CAPNS1: variants seen among roughly 807,000 people sequenced by gnomAD.
CAPNS1 encodes CANP small subunit.
A neutral mutation model predicts 39.2 loss-of-function variants in CAPNS1; 32 were observed. That is an observed-to-expected ratio of 0.82 (90% CI 0.62 to 1.10). The LOEUF is 1.10. CAPNS1 is among the 50% of genes least tolerant of loss of function. The pLI, the probability that CAPNS1 is intolerant of heterozygous loss-of-function variation, is 0.00. For missense variants in CAPNS1, 353 were observed against 373.1 expected (o/e 0.95, Z 0.44); for synonymous variants, 153 against 136.2 (o/e 1.12, Z -0.86).
At chr19:36,142,277 C>T (rs1974401013) in intron 2 of CAPNS1, 23 bp from the exon 3 acceptor site, 2 of 1,573,168 alleles carry the variant, frequency 1.3e-6, no homozygotes, top group South Asian at 2.2e-5. Context: ...TGGCACTAAC[C>T]CCTCCCCCTT....
chr19:36,149,439 C>A (rs1974693503), intron 9 of CAPNS1, 139 bp from the exon 10 acceptor site: 4 of 719,092 alleles, frequency 5.6e-6, no homozygotes, highest in Non-Finnish European at 8.3e-6. Context: ...AGCACTTTAC[C>A]CCATGCTTGG....
chr19:36,149,420 T>C (rs1974692883), intron 9 of CAPNS1, among the ~76,000 whole-genome samples, 158 bp from the exon 10 acceptor site: 1 of 152,188 alleles, frequency 6.6e-6, no homozygotes, highest in Non-Finnish European at 1.5e-5. Flanking sequence ...AATCAGCCAA[T>C]ACCTGGAAAG....
At chr19:36,149,461 T>C in intron 9 of CAPNS1, 117 bp from the exon 10 acceptor site, 1 of 964,274 alleles carries the variant, frequency 1.0e-6, no homozygotes, top group Non-Finnish European at 1.5e-6. Flanking sequence ...ACACAGTAAA[T>C]ACTCAGTGAA....
rs17880878 is a variant in CAPNS1 at position 36,149,425 on chromosome 19, G to A, written c.722-153G>A. On this transcript the variant is annotated intron_variant, in intron 9 of 10. Coordinates refer to ENST00000246533, the MANE Select transcript of CAPNS1 (RefSeq NM_001749.4). ...AGTTGGATTAAATCAGCCAATACCT[G>A]GAAAGCACTTTACCCCATGCTTGGC... Among the ~76,000 whole-genome samples the A allele has an allele frequency of 9.2e-3, 1,401 of 152,240 alleles. 17 individuals carry two copies. Among genetic ancestry groups the A allele is most frequent in the African/African-American group, 0.025 (1,027 of 41,516 alleles).
intron 6 of CAPNS1, among the ~76,000 whole-genome samples, chr19:36,144,304 C>T (rs888640079): frequency 6.6e-6 from 1 of 151,936 alleles, no homozygotes; most frequent in Non-Finnish European, 1.5e-5. Flanking sequence ...TGCTTGAACC[C>T]GGGAGGCGGA....
At position 36,149,579 on chromosome 19, in the gene CAPNS1, T is replaced by A. The variant is rs1013824519; in HGVS notation, c.723T>A (p.Arg241=). The change falls in exon 10 of 11, where the codon CGT becomes CGA. Residue 241 remains arginine (R), a splice_region_variant and synonymous_variant. Coordinates refer to ENST00000246533, the MANE Select transcript of CAPNS1 (RefSeq NM_001749.4). The part of the protein sequence containing the change: ...SCLVRLDAMF[R]AFKSLDKDGT... ...AAACCTCTGCATCTCCTCCTCCAGG[T>A]GCCTTCAAATCTCTTGACAAAGATG... 1 of 1,480,282 alleles carries A rather than the reference T, an allele frequency of 6.8e-7. No homozygotes were observed. The highest frequency in any genetic ancestry group is 2.5e-5 in the Admixed American group (1 of 40,166). 91.7% of individuals were successfully genotyped at this position (1,480,282 alleles called of 1,614,324 possible).
intron 1 of CAPNS1, chr19:36,140,489 G>GA (rs1974317683): frequency 6.5e-6 from 1 of 153,164 alleles, no homozygotes; most frequent in Middle Eastern, 3.3e-3. Flanking sequence ...CACGATCTTA[G>GA]ACCCGAGCCC....
Position 36,141,045 on chromosome 19 carries a change from G to T in CAPNS1, c.34G>T (p.Gly12Cys). 6.4e-7 allele frequency: 1 copy of T among 1,566,134 alleles called. No individual in the cohort carries two copies. Among genetic ancestry groups the T allele is most frequent in the Non-Finnish European group, 8.7e-7 (1 of 1,155,008 alleles). Residue 12 changes from glycine to cysteine, a missense_variant, in exon 2 of 11, where the codon GGC (glycine) becomes TGC (cysteine). Physicochemically the swap from Gly to Cys is radical, Grantham distance 159. Transcript: ENST00000246533. Reference protein sequence around the residue: ...FLVNSFLKGGGGGGGGGGGLG... With the variant: ...FLVNSFLKGGCGGGGGGGGLG... ...GGTTAACTCGTTCTTGAAGGGCGGC[G>T]GCGGCGGCGGCGGGGGAGGCGGGGG...
chr19:36,142,476 C>T (rs911269213), intron 3 of CAPNS1, 143 bp downstream of exon 3: 16 of 687,518 alleles, frequency 2.3e-5, no homozygotes, highest in Non-Finnish European at 3.6e-5. Context: ...TCTGCAGCTT[C>T]GCCATGGGTC....
In CAPNS1 at chr19:36,150,094, A is replaced by C. The variant is rs1974724819; in HGVS notation, c.*255A>C. On this transcript the variant is annotated 3_prime_UTR_variant, in exon 11 of 11. Transcript: ENST00000246533. ...TCTCCCCATTCCCACCAGGCCCTGCACACACCCACTCCGTAACCTCTCCCC... is the reference window on the plus strand; with the variant it reads ...TCTCCCCATTCCCACCAGGCCCTGCCCACACCCACTCCGTAACCTCTCCCC... The C allele has an allele frequency of 2.6e-6, 1 of 390,512 alleles. No individual in the cohort carries two copies. Among genetic ancestry groups the C allele is most frequent in the Admixed American group, 4.5e-5 (1 of 22,180 alleles). 24.2% of individuals were successfully genotyped at this position (390,512 alleles called of 1,614,324 possible). A position where few individuals can be genotyped will look rare whatever the true frequency, so the allele number is the denominator to read the frequency against.
In CAPNS1 at chr19:36,149,904, C is replaced by G; in HGVS notation, c.*65C>G. The G allele has an allele frequency of 7.4e-7, 1 of 1,352,966 alleles. No homozygotes were observed. 83.8% of individuals were successfully genotyped at this position (1,352,966 alleles called of 1,614,324 possible). A position where few individuals can be genotyped will look rare whatever the true frequency, so the allele number is the denominator to read the frequency against. ...GGAGTCACCTGGAGCCTCGGTCTCT[C>G]CCAGGGCCGATCCTGTCTGCAGTCA... is the stretch of plus-strand genomic sequence containing the variant. On this transcript the variant is annotated 3_prime_UTR_variant, in exon 11 of 11. Transcript: ENST00000246533.
intron 6 of CAPNS1, chr19:36,145,379 A>G (rs1261971550): frequency 1.1e-5 from 2 of 175,388 alleles, no homozygotes; most frequent in Non-Finnish European, 2.5e-5. Flanking sequence ...CAATTTTTGT[A>G]TTTTTAGTAG....
intron 3 of CAPNS1, 62 bp from the exon 4 acceptor site, chr19:36,142,590 G>A: frequency 7.0e-7 from 1 of 1,419,286 alleles, no homozygotes; most frequent in East Asian, 2.3e-5. Context: ...GGGTACCTGG[G>A]TTTGGGGAGC....
intron 10 of CAPNS1, 74 bp from the exon 11 acceptor site, chr19:36,149,739 C>A (rs778012253): frequency 9.9e-5 from 157 of 1,591,072 alleles, no homozygotes; most frequent in Non-Finnish European, 1.3e-4. Context: ...TTTTGCCAGC[C>A]GTCCCTGGGT....
Position 36,141,057 on chromosome 19 carries a change from G to C in CAPNS1, c.46G>C (p.Gly16Arg). The C allele has an allele frequency of 2.0e-6, 3 of 1,529,828 alleles. No homozygotes were observed. The highest frequency in any genetic ancestry group is 2.6e-6 in the Non-Finnish European group (3 of 1,135,424). The allele number at this position is 1,529,828 out of a possible 1,614,324, so 94.8% of individuals were successfully genotyped here. Residue 16 changes from glycine (G) to arginine (R), a missense_variant, in exon 2 of 11, where the codon GGG becomes CGG. Physicochemically the swap from Gly to Arg is moderately radical, Grantham distance 125 (BLOSUM62 -2). Transcript: ENST00000246533. ...SFLKGGGGGG[G>R]GGGGLGGGLG... is the part of the protein sequence containing the mutation. Reference sequence around the variant, plus strand: ...CTTGAAGGGCGGCGGCGGCGGCGGCGGGGGAGGCGGGGGCCTGGGTGGGGG... The same window carrying C: ...CTTGAAGGGCGGCGGCGGCGGCGGCCGGGGAGGCGGGGGCCTGGGTGGGGG...
rs1381573657 is a variant in CAPNS1, at chr19:36,143,134, C to T, written c.456+6C>T. 6.2e-7 allele frequency: 1 copy of T among 1,613,580 alleles called. No individual in the cohort carries two copies. Among genetic ancestry groups the T allele is most frequent in the Non-Finnish European group, 8.5e-7 (1 of 1,179,778 alleles). ...GCATGGTGGCCGTGATGGATGTATCCTTGGGGGCAGTGTGGGAGAGGCCCT... is the reference window on the plus strand; with the variant it reads ...GCATGGTGGCCGTGATGGATGTATCTTTGGGGGCAGTGTGGGAGAGGCCCT... On this transcript the variant is annotated splice_donor_region_variant and intron_variant, in intron 6 of 10. Transcript: ENST00000246533.
chr19:36,146,373 T>A, intron 9 of CAPNS1, 61 bp downstream of exon 9: 1 of 1,083,252 alleles, frequency 9.2e-7, no homozygotes, highest in Non-Finnish European at 1.4e-6. Context: ...TGGACCAAGG[T>A]CTCCTCTAAG....
chr19:36,147,185 G>C (rs1252471876), intron 9 of CAPNS1, among the ~76,000 whole-genome samples: 1 of 152,208 alleles, frequency 6.6e-6, no homozygotes, highest in East Asian at 1.9e-4. Context: ...GACATGGCTG[G>C]GAAGTGGGGA....
In CAPNS1 at chr19:36,145,978, C is replaced by A. The variant is rs746893140; in HGVS notation, c.528C>A (p.Ala176=). Residue 176 remains alanine (A), a splice_region_variant and synonymous_variant, in exon 8 of 11, where the codon GCC becomes GCA. Transcript: ENST00000246533. ...YLWNNIKRWQ[A]IYKQFDTDRS... Reference sequence around the variant, plus strand: ...ACCCAATGTCTCTGTCCTCACAGGCCATATACAAACAGTTCGACACTGACC... The same window carrying A: ...ACCCAATGTCTCTGTCCTCACAGGCAATATACAAACAGTTCGACACTGACC... 1 of 1,614,188 alleles carries A rather than the reference C, an allele frequency of 6.2e-7. No homozygotes were observed. Among genetic ancestry groups the A allele is most frequent in the South Asian group, 1.1e-5 (1 of 91,066 alleles).
Sources: allele counts gnomAD v4.1 joint callset (sites outside exome capture counted in the v4.1 genomes callset), GRCh38; gene constraint gnomAD v4.1.1; transcripts MANE v1.5; gene names NCBI Gene and HGNC (gene_info 2026-07-23, HGNC 2026-07-21).